C2orf80: variants seen among roughly 807,000 people sequenced by gnomAD.
C2orf80 encodes uncharacterized protein C2orf80.
In C2orf80, 28 loss-of-function variants were observed where a neutral mutation model predicts 30.2. The ratio of observed to expected loss-of-function variants is 0.93; its 90% confidence interval spans 0.69 to 1.27. The LOEUF is 1.27. Among genes scored for constraint, C2orf80 ranks in the 50% most tolerant of loss-of-function variants. C2orf80 has a pLI of 0.00. For synonymous variants in C2orf80, 80 were observed against 76.4 expected (o/e 1.05, Z -0.24); for missense variants, 220 against 231.0 (o/e 0.95, Z 0.31).
intron 8 of C2orf80, among the ~76,000 whole-genome samples, chr2:208,167,192 C>T (rs1695922570): frequency 6.6e-6 from 1 of 151,990 alleles, no homozygotes; most frequent in Non-Finnish European, 1.5e-5. Context: ...ACTACTGACG[C>T]TTTCCTAGGA....
At chr2:208,172,602 A>G (rs1696138131) in intron 6 of C2orf80, among the ~76,000 whole-genome samples, 1 of 152,182 alleles carries the variant, frequency 6.6e-6, no homozygotes, top group Admixed American at 6.5e-5. Flanking sequence ...AATTTAAACC[A>G]CAGTGAAATA....
chr2:208,179,703 C>CTT (rs76655685), intron 6 of C2orf80, among the ~76,000 whole-genome samples: 13,223 of 146,904 alleles, frequency 0.09, 756 homozygotes, highest in South Asian at 0.17. Flanking sequence ...TCAGAACACC[C>CTT]TTTTTTTTTT....
intron 3 of C2orf80, 55 bp from the exon 4 acceptor site, chr2:208,183,102 A>G (rs1696612218): frequency 7.1e-7 from 1 of 1,401,030 alleles, no homozygotes; most frequent in Non-Finnish European, 1.0e-6. Context: ...TGGCCGAAGT[A>G]CTCCCTGGAC....
Position 208,183,013 on chromosome 2 carries a change from T to C in C2orf80, c.158A>G (p.Gln53Arg), listed in dbSNP as rs1249035444. ...TAAGTCTTCTGAGGGATCCAGCCAT[T>C]GCAAAGCAACACTGATGGCCAAGTC... ...HYDLAISVAL[Q>R]WLDPSEDLTW... The change falls in exon 4 of 9, where the codon CAA becomes CGA. Residue 53 changes from glutamine (Q) to arginine (R), a missense_variant. Transcript: ENST00000341287. 1 of 1,613,906 alleles carries C rather than the reference T, an allele frequency of 6.2e-7. No individual in the cohort carries two copies. Among genetic ancestry groups the C allele is most frequent in the Admixed American group, 1.7e-5 (1 of 60,006 alleles).
chr2:208,175,742 T>A lies in C2orf80; in HGVS notation c.367-3667A>T, dbSNP rs1031639116. On this transcript the variant is annotated intron_variant, in intron 6 of 8. Transcript: ENST00000341287. ...GAAGAATCTCTTGCAATATCGTTTT[T>A]TTTTTTAAAAAACTCTAGTTAAAAC... Among the ~76,000 whole-genome samples the A allele has an allele frequency of 1.4e-4, 22 of 152,208 alleles. No individual in the cohort carries two copies. The South Asian group carries it at 4.1e-3, about 29-fold the overall frequency.
chr2:208,176,934 T>C (rs1208197933), intron 6 of C2orf80, among the ~76,000 whole-genome samples: 8 of 90,256 alleles, frequency 8.9e-5, no homozygotes, highest in African/African-American at 3.7e-4. Context: ...TACATATGTA[T>C]ACATATCTGT....
rs371565117 is a variant in C2orf80 at position 208,170,951 on chromosome 2, C to G, written c.567G>C (p.Lys189Asn). The G allele has an allele frequency of 1.2e-5, 20 of 1,613,238 alleles. No individual in the cohort carries two copies. In the African/African-American group the frequency reaches 2.5e-4, roughly 20 times the overall value. Residue 189 changes from lysine (K) to asparagine (N), a missense_variant, in exon 8 of 9, where the codon AAG becomes AAC. Physicochemically the swap from Lys to Asn is moderately conservative, Grantham distance 94 (BLOSUM62 0). Transcript: ENST00000341287. ...SSQRFSDTQPKHKVT is the reference protein window; with the variant it reads ...SSQRFSDTQPNHKVT ...TTTACAATCTCACACCTACTTTGTG[C>G]TTTGGCTGTGTGTCTGAAAACCTTT...
intron 6 of C2orf80, among the ~76,000 whole-genome samples, chr2:208,177,340 G>A (rs957237389): frequency 2.6e-5 from 4 of 151,716 alleles, no homozygotes; most frequent in African/African-American, 4.8e-5. Flanking sequence ...TCAGGAGTTC[G>A]AGAACAGCCT....
chr2:208,172,727 A>G (rs6435423), intron 6 of C2orf80, among the ~76,000 whole-genome samples: 148,853 of 152,322 alleles, frequency 0.98, 72,804 homozygotes, highest in Middle Eastern at 1. Context: ...CTTTATGTAG[A>G]GAGTTGAAGA....
intron 6 of C2orf80, among the ~76,000 whole-genome samples, chr2:208,173,420 C>T (rs932898599): frequency 2.0e-5 from 3 of 151,972 alleles, no homozygotes; most frequent in Non-Finnish European, 2.9e-5. Context: ...GTCAGGAGAT[C>T]GAAACTATCC....
intron 6 of C2orf80, among the ~76,000 whole-genome samples, chr2:208,180,223 G>A (rs1301137710): frequency 6.6e-6 from 1 of 152,116 alleles, no homozygotes; most frequent in Non-Finnish European, 1.5e-5. Context: ...GCCAAGGCAA[G>A]CAGATCACTT....
intron 1 of C2orf80, 142 bp downstream of exon 1, chr2:208,189,811 T>C (rs933490367): frequency 3.1e-6 from 2 of 643,820 alleles, no homozygotes; most frequent in African/African-American, 3.7e-5. Context: ...GCCCCCAAAT[T>C]CTATAGGAAT....
At chr2:208,185,905 G>A (rs1696704567) in intron 2 of C2orf80, among the ~76,000 whole-genome samples, 1 of 152,190 alleles carries the variant, frequency 6.6e-6, no homozygotes, top group Admixed American at 6.5e-5. Flanking sequence ...GATGAGATAT[G>A]TGGAAGAGTT....
chr2:208,182,130 C>T (rs139724911), intron 4 of C2orf80, among the ~76,000 whole-genome samples: 1 of 152,092 alleles, frequency 6.6e-6, no homozygotes, highest in Non-Finnish European at 1.5e-5. Flanking sequence ...AAATAACAGG[C>T]CTCCAGAATA....
At chr2:208,171,886 A>G in intron 7 of C2orf80, 102 bp downstream of exon 7, 1 of 976,526 alleles carries the variant, frequency 1.0e-6, no homozygotes, top group South Asian at 1.3e-5. Context: ...AGACATAGAA[A>G]TCTAATTCCC....
Position 208,185,095 on chromosome 2 carries a change from G to C in C2orf80, c.42-63C>G, listed in dbSNP as rs915778090. On this transcript the variant is annotated intron_variant, in intron 2 of 8. Transcript: ENST00000341287. Reference sequence around the variant, plus strand: ...ACACGGGCTCAGTCTGCAGAAAAAGGCTTTTTTTTTTCCCATCCCTCCCTC... The same window carrying C: ...ACACGGGCTCAGTCTGCAGAAAAAGCCTTTTTTTTTTCCCATCCCTCCCTC... 4 of 1,299,328 alleles carry C rather than the reference G, an allele frequency of 3.1e-6. 1 individual carries two copies. Among genetic ancestry groups the C allele is most frequent in the Admixed American group, 2.0e-5 (1 of 50,776 alleles). 80.5% of individuals were successfully genotyped at this position (1,299,328 alleles called of 1,614,324 possible). A position where few individuals can be genotyped will look rare whatever the true frequency, so the allele number is the denominator to read the frequency against.
At chr2:208,182,844 C>T in intron 4 of C2orf80, 121 bp downstream of exon 4, 1 of 805,310 alleles carries the variant, frequency 1.2e-6, no homozygotes, top group Non-Finnish European at 2.2e-6. Context: ...GAGGGATATT[C>T]ACCCAGTAGT....
At chr2:208,184,693 A>G (rs1405820378) in intron 3 of C2orf80, among the ~76,000 whole-genome samples, 1 of 152,184 alleles carries the variant, frequency 6.6e-6, no homozygotes, top group Non-Finnish European at 1.5e-5. Context: ...TTTGCCTGGC[A>G]TTAATTTTGA....
chr2:208,182,330 G>A (rs1476189729), intron 4 of C2orf80, among the ~76,000 whole-genome samples: 9 of 152,184 alleles, frequency 5.9e-5, no homozygotes, highest in Admixed American at 5.2e-4. Context: ...TTAGGAAAAG[G>A]TTACAGTCTT....
Sources: allele counts gnomAD v4.1 joint callset (sites outside exome capture counted in the v4.1 genomes callset), GRCh38; gene constraint gnomAD v4.1.1; transcripts MANE v1.5; gene names NCBI Gene and HGNC (gene_info 2026-07-23, HGNC 2026-07-21).